Variants in FAAH2 observed in about 807,000 individuals in gnomAD.
FAAH2 encodes fatty-acid amide hydrolase 2.
A neutral mutation model predicts 36.9 loss-of-function variants in FAAH2; 60 were observed. The ratio of observed to expected loss-of-function variants is 1.63; its 90% CI spans 1.32 to 2.02. The LOEUF (loss-of-function observed/expected upper bound fraction) is 2.02, where lower values mean the gene tolerates loss of function less well. Among genes scored for constraint, FAAH2 ranks in the 30% most tolerant of loss-of-function variants. The pLI is 0.00. For synonymous variants in FAAH2, 214 were observed against 143.8 expected, an observed-to-expected ratio of 1.49 and a Z score of -3.49; for missense variants, 689 against 397.5, an observed-to-expected ratio of 1.73 and a Z score of -6.23.
chrX:57,308,576 G>C (rs1419448455), intron 2 of FAAH2, among the ~76,000 whole-genome samples: 25 of 111,563 alleles, frequency 2.2e-4, no homozygotes. Context: ...CTCCTATTCT[G>C]TAGGTTGTTT....
chrX:57,336,901 C>T (rs1443722950), intron 4 of FAAH2, among the ~76,000 whole-genome samples: 1 of 109,562 alleles, frequency 9.1e-6, no homozygotes, highest in Non-Finnish European at 1.9e-5. Flanking sequence ...AAGATTAGAG[C>T]AGAACTGAAG....
At chrX:57,126,727 G>A in the FAAH2 span, among the ~76,000 whole-genome samples, 1 of 111,484 alleles carries the variant, frequency 9.0e-6, no homozygotes. Context: ...TAGTCATGGT[G>A]ATGCCATTCT....
Position 57,292,503 on chromosome X carries a change from A to T in FAAH2, c.198A>T (p.Lys66Asn), listed in dbSNP as rs370093150. 5.8e-6 allele frequency: 7 copies of T among 1,204,230 alleles called. No individual in the cohort carries two copies. In the African/African-American group the frequency reaches 1.2e-4, roughly 21 times the overall value. Residue 66 changes from lysine to asparagine, a missense_variant, in exon 2 of 11, where the codon AAA becomes AAT. Physicochemically the swap from Lys to Asn is moderately conservative, Grantham distance 94. Transcript: ENST00000374900. ...TAAAGTATTGTATTTTGCAGGTGAA[A>T]TGTATAGATGTTGTTCAGGCTTATA... ...LAKLIRQRKV[K>N]CIDVVQAYIN...
chrX:57,265,880 C>T, the FAAH2 span, among the ~76,000 whole-genome samples: 4 of 111,685 alleles, frequency 3.6e-5, no homozygotes, highest in African/African-American at 9.8e-5. Flanking sequence ...CTGATCCTGT[C>T]CTTCATCACA....
chrX:57,435,353 T>A lies in FAAH2; in HGVS notation c.1116+3316T>A, dbSNP rs367719769. Among the ~76,000 whole-genome samples the A allele has an allele frequency of 3.6e-5, 4 of 111,328 alleles. No homozygotes were observed. In the East Asian group the frequency reaches 8.4e-4, roughly 23 times the overall value. Reference sequence around the variant, plus strand: ...GAAAATAAACCTCATGTATAAATGTTAACCTTGAACTCAAATGGATTAAGT... The same window carrying A: ...GAAAATAAACCTCATGTATAAATGTAAACCTTGAACTCAAATGGATTAAGT... On this transcript the variant is annotated intron_variant, in intron 8 of 10. Coordinates refer to ENST00000374900, the MANE Select transcript of FAAH2 (RefSeq NM_174912.4).
chrX:57,122,426 A>T, the FAAH2 span, among the ~76,000 whole-genome samples: 1 of 112,132 alleles, frequency 8.9e-6, no homozygotes, highest in African/African-American at 3.2e-5. Flanking sequence ...TTGACATAAT[A>T]TTTCCACAAT....
chrX:57,408,511 G>A (rs924947379), intron 7 of FAAH2, among the ~76,000 whole-genome samples: 1 of 107,023 alleles, frequency 9.3e-6, no homozygotes, highest in Non-Finnish European at 1.9e-5. Context: ...ACACAATTTT[G>A]CATTTTCCTT....
At chrX:57,287,127 T>C in intron 1 of FAAH2, 110 bp downstream of exon 1, 1 of 777,669 alleles carries the variant, frequency 1.3e-6, no homozygotes, top group Non-Finnish European at 1.8e-6. Flanking sequence ...CTAGGGCGAC[T>C]TAGGAGAGGC....
chrX:57,451,272 T>C (rs2056779243), intron 10 of FAAH2, among the ~76,000 whole-genome samples: 1 of 111,727 alleles, frequency 9.0e-6, no homozygotes, highest in African/African-American at 3.3e-5. Flanking sequence ...ATCCTATTGC[T>C]TCTAATTAAC....
At chrX:57,340,274 A>C (rs1400236397) in intron 4 of FAAH2, among the ~76,000 whole-genome samples, 2 of 111,648 alleles carry the variant, frequency 1.8e-5, no homozygotes, top group Non-Finnish European at 3.8e-5. Context: ...TATTCTAGCC[A>C]CGCTGATTAG....
chrX:57,219,863 C>CTT, the FAAH2 span, among the ~76,000 whole-genome samples: 798 of 35,572 alleles, frequency 0.022, 157 homozygotes, highest in African/African-American at 0.074. Flanking sequence ...AGCGCCTTGT[C>CTT]TTTTTTTTTT....
chrX:57,149,338 G>A, the FAAH2 span, among the ~76,000 whole-genome samples: 3 of 111,703 alleles, frequency 2.7e-5, no homozygotes, highest in Non-Finnish European at 5.6e-5. Context: ...AATGGTACCA[G>A]CTCCTTCTTG....
chrX:57,383,391 G>C (rs940918444), intron 7 of FAAH2, among the ~76,000 whole-genome samples: 2 of 112,000 alleles, frequency 1.8e-5, no homozygotes, highest in African/African-American at 6.5e-5. Flanking sequence ...AATTGTCCCT[G>C]TTTGCTGATG....
intron 7 of FAAH2, among the ~76,000 whole-genome samples, chrX:57,386,229 A>G (rs1252635157): frequency 8.9e-6 from 1 of 111,877 alleles, no homozygotes; most frequent in African/African-American, 3.2e-5. Flanking sequence ...AGGATTATTA[A>G]CAGGCTATAA....
At chrX:57,230,986 A>G in the FAAH2 span, among the ~76,000 whole-genome samples, 5 of 107,028 alleles carry the variant, frequency 4.7e-5, no homozygotes, top group South Asian at 2.1e-3. Context: ...TTTAAATATT[A>G]TTTGTAGAAA....
the FAAH2 span, among the ~76,000 whole-genome samples, chrX:57,271,476 C>A: frequency 1.9e-4 from 21 of 112,226 alleles, no homozygotes; most frequent in Admixed American, 2.0e-3. Flanking sequence ...CTAGGAGACA[C>A]CTCCAAGTAG....
At chrX:57,185,657 G>A in the FAAH2 span, among the ~76,000 whole-genome samples, 1 of 110,156 alleles carries the variant, frequency 9.1e-6, no homozygotes, top group Non-Finnish European at 1.9e-5. Context: ...TGTCAACTAG[G>A]TTTTAAGCCC....
At chrX:57,357,972 T>A (rs1209735419) in intron 5 of FAAH2, among the ~76,000 whole-genome samples, 1 of 111,155 alleles carries the variant, frequency 9.0e-6, no homozygotes, top group Admixed American at 9.6e-5. Context: ...AAAGAAAATG[T>A]GGCAAATATA....
chrX:57,197,537 T>C, the FAAH2 span, among the ~76,000 whole-genome samples: 1 of 77,140 alleles, frequency 1.3e-5, no homozygotes, highest in Non-Finnish European at 2.1e-5. Flanking sequence ...GGGCTGCTAT[T>C]CAGATATTTT....
Sources: gnomAD v4.1 joint callset for allele counts (sites outside exome capture counted in the v4.1 genomes callset) on GRCh38, gnomAD v4.1.1 for gene constraint, MANE v1.5 for transcripts, NCBI Gene and HGNC (gene_info 2026-07-23, HGNC 2026-07-21) for gene names.